XPO1: variants seen among roughly 807,000 people sequenced by gnomAD.
The protein encoded by XPO1 is exportin-1.
Under a neutral mutation model 133.3 loss-of-function variants are expected in XPO1, and 5 were observed. The observed-to-expected ratio is 0.04, with a 90% CI of 0.02 to 0.08. The LOEUF is 0.08. Among genes scored for constraint, XPO1 ranks in the 10% least tolerant of loss-of-function variants. XPO1 has a pLI of 1.00. For synonymous variants in XPO1, 419 were observed against 408.2 expected (o/e 1.03, Z -0.32); for missense variants, 506 against 1,267.5 (o/e 0.40, Z 9.12).
chr2:61,490,781 T>A lies in XPO1; in HGVS notation c.1888-5A>T. On this transcript the variant is annotated splice_region_variant and splice_polypyrimidine_tract_variant and intron_variant, in intron 16 of 24. Coordinates refer to ENST00000401558, the MANE Select transcript of XPO1 (RefSeq NM_003400.4). Reference sequence around the variant, plus strand: ...AGCTTCATAAAACGTATGAACCTATTTTAAAAAGCAGACATTTTAACGTTT... The same window carrying A: ...AGCTTCATAAAACGTATGAACCTATATTAAAAAGCAGACATTTTAACGTTT... The A allele has an allele frequency of 6.2e-7, 1 of 1,610,262 alleles. No homozygotes were observed. The highest frequency in any genetic ancestry group is 1.1e-5 in the South Asian group (1 of 90,630).
chr2:61,478,807 A>G lies in XPO1; in HGVS notation c.*13T>C. 1 of 1,612,214 alleles carries G rather than the reference A, an allele frequency of 6.2e-7. No individual in the cohort carries two copies. On this transcript the variant is annotated 3_prime_UTR_variant, in exon 25 of 25. Coordinates refer to ENST00000401558, the MANE Select transcript of XPO1 (RefSeq NM_003400.4). ...ACGAGTTGCAGAGAAAAAAAACAGC[A>G]TGAATTTGGATTTTAATCACACATT...
At chr2:61,516,709 C>A (rs116464785) in intron 4 of XPO1, among the ~76,000 whole-genome samples, 162 of 152,134 alleles carry the variant, frequency 1.1e-3, no homozygotes, top group African/African-American at 3.8e-3. Context: ...CCACCATGCC[C>A]CGCCTGTGAG....
At chr2:61,533,612 T>C (rs1699250676) in intron 2 of XPO1, among the ~76,000 whole-genome samples, 160 bp downstream of exon 2, 1 of 152,214 alleles carries the variant, frequency 6.6e-6, no homozygotes, top group African/African-American at 2.4e-5. Context: ...ACATGCAATT[T>C]CTTTCTCCAA....
intron 16 of XPO1, among the ~76,000 whole-genome samples, chr2:61,491,408 G>A (rs1006611099): frequency 1.6e-4 from 24 of 151,082 alleles, no homozygotes; most frequent in South Asian, 2.1e-4. Flanking sequence ...CCGAGATTGC[G>A]CCACTGCACT....
chr2:61,515,528 T>C (rs1003669566), intron 4 of XPO1, among the ~76,000 whole-genome samples: 2 of 152,182 alleles, frequency 1.3e-5, no homozygotes, highest in East Asian at 1.9e-4. Flanking sequence ...TCAAAAACAG[T>C]TGGTAACCCA....
chr2:61,491,975 C>G (rs1697023526), intron 16 of XPO1, 60 bp downstream of exon 16: 1 of 1,576,762 alleles, frequency 6.3e-7, no homozygotes, highest in Non-Finnish European at 8.7e-7. Context: ...TCCATTGATA[C>G]ATACAGATTG....
At position 61,537,967 on chromosome 2, in the gene XPO1, C is replaced by G. The variant is rs1275667649; in HGVS notation, c.-412G>C. On this transcript the variant is annotated 5_prime_UTR_variant, in exon 1 of 25. Transcript: ENST00000401558. ...TGTAGAGTCCACACGGCCGGGGAGA[C>G]GCTCTGCTGCCAGTTGCAGTCCGAC... 2 of 161,502 alleles carry G rather than the reference C, an allele frequency of 1.2e-5. No individual in the cohort carries two copies. The highest frequency in any genetic ancestry group is 2.8e-3 in the Middle Eastern group (1 of 354). 10.0% of individuals were successfully genotyped at this position (161,502 alleles called of 1,614,324 possible).
At chr2:61,490,934 C>A (rs1299505446) in intron 16 of XPO1, among the ~76,000 whole-genome samples, 158 bp from the exon 17 acceptor site, 2 of 152,204 alleles carry the variant, frequency 1.3e-5, no homozygotes, top group African/African-American at 4.8e-5. Context: ...GCAGGCCAAT[C>A]ACTTGTGGTC....
intron 4 of XPO1, among the ~76,000 whole-genome samples, chr2:61,502,761 A>G (rs1165885779): frequency 6.6e-6 from 1 of 151,866 alleles, no homozygotes; most frequent in African/African-American, 2.4e-5. Flanking sequence ...AAAAAAAATC[A>G]ATGAATTTAA....
chr2:61,524,195 A>G (rs1353272461), intron 3 of XPO1, among the ~76,000 whole-genome samples: 1 of 152,202 alleles, frequency 6.6e-6, no homozygotes, highest in Non-Finnish European at 1.5e-5. Context: ...CACTGCTTAC[A>G]ATATATCCTC....
chr2:61,522,511 A>C, intron 4 of XPO1, 100 bp downstream of exon 4: 1 of 1,075,004 alleles, frequency 9.3e-7, no homozygotes, highest in African/African-American at 1.6e-5. Flanking sequence ...ATTAGAGCAA[A>C]ATATACTAAA....
intron 2 of XPO1, among the ~76,000 whole-genome samples, chr2:61,531,890 C>T (rs1699169531): frequency 6.6e-6 from 1 of 152,276 alleles, no homozygotes; most frequent in South Asian, 2.1e-4. Context: ...AAGTATAAAC[C>T]TGGGCTAACA....
chr2:61,505,370 G>T (rs1389307197), intron 4 of XPO1, among the ~76,000 whole-genome samples: 1 of 148,990 alleles, frequency 6.7e-6, no homozygotes, highest in African/African-American at 2.5e-5. Context: ...AATTAACTTG[G>T]GTAATCTATG....
At chr2:61,520,528 T>C (rs1698637916) in intron 4 of XPO1, among the ~76,000 whole-genome samples, 1 of 151,744 alleles carries the variant, frequency 6.6e-6, no homozygotes, top group South Asian at 2.1e-4. Flanking sequence ...GGGGCATGCC[T>C]ATGTTCCCAG....
At chr2:61,493,868 G>T (rs774963122) in intron 12 of XPO1, 26 bp downstream of exon 12, 3 of 1,612,008 alleles carry the variant, frequency 1.9e-6, no homozygotes, top group African/African-American at 2.7e-5. Context: ...GCAACAGGAA[G>T]AACACTCAAC....
chr2:61,538,503 A>T (rs1249801079), upstream of XPO1: 1 of 152,626 alleles, frequency 6.6e-6, no homozygotes, highest in Non-Finnish European at 1.5e-5. Context: ...TCTTTTCAGC[A>T]GCGATTTGCC....
chr2:61,498,022 T>C (rs1697328719), intron 9 of XPO1, among the ~76,000 whole-genome samples: 1 of 152,226 alleles, frequency 6.6e-6, no homozygotes, highest in African/African-American at 2.4e-5. Context: ...ATTTATTCAT[T>C]ATATCAGTCA....
intron 4 of XPO1, among the ~76,000 whole-genome samples, chr2:61,518,685 T>A (rs1698533552): frequency 1.3e-5 from 2 of 151,450 alleles, no homozygotes; most frequent in South Asian, 4.2e-4. Context: ...AGCCCCAATA[T>A]CAAGGAGCTT....
chr2:61,485,676 A>C lies in XPO1; in HGVS notation c.2508+92T>G, dbSNP rs958807662. The C allele has an allele frequency of 9.1e-5, 99 of 1,086,256 alleles. No homozygotes were observed. In the African/African-American group the frequency reaches 1.4e-3, roughly 16 times the overall value. The allele number at this position is 1,086,256 out of a possible 1,614,324, so 67.3% of individuals were successfully genotyped here. A position where few individuals can be genotyped will look rare whatever the true frequency, so the allele number is the denominator to read the frequency against. On this transcript the variant is annotated intron_variant, in intron 20 of 24. Coordinates refer to ENST00000401558, the MANE Select transcript of XPO1 (RefSeq NM_003400.4). ...TAAATATTTAAACTCCATGGCATTA[A>C]AATTATGTTATATCCACAGACATAC...
Sources: allele counts gnomAD v4.1 joint callset (sites outside exome capture counted in the v4.1 genomes callset), GRCh38; gene constraint gnomAD v4.1.1; transcripts MANE v1.5; gene names NCBI Gene and HGNC (gene_info 2026-07-23, HGNC 2026-07-21).